Variants in ITGAX observed in about 807,000 individuals in gnomAD.
ITGAX encodes the protein integrin alpha-X.
In ITGAX, 99 loss-of-function variants were observed where a neutral mutation model predicts 140.2. The ratio of observed to expected loss-of-function variants is 0.71; its 90% CI spans 0.60 to 0.83. The LOEUF is 0.83. Among genes scored for constraint, ITGAX ranks in the 40% least tolerant of loss-of-function variants. The probability of loss-of-function intolerance (pLI) is 0.00; values close to 1 mark genes in which losing one functional copy is unlikely to be tolerated. For synonymous variants in ITGAX, 631 were observed against 600.4 expected (o/e 1.05, Z -0.75); for missense variants, 1,444 against 1,482.0 (o/e 0.97, Z 0.42).
In ITGAX at chr16:31,377,037, C is replaced by G; in HGVS notation, c.2663C>G (p.Ala888Gly). The G allele has an allele frequency of 6.2e-7, 1 of 1,614,228 alleles. No homozygotes were observed. Among genetic ancestry groups the G allele is most frequent in the Non-Finnish European group, 8.5e-7 (1 of 1,180,038 alleles). Residue 888 changes from alanine (A) to glycine (G), a missense_variant, in exon 22 of 30, where the codon GCT becomes GGT. By Grantham distance (60) the Ala-to-Gly change is moderately conservative. Transcript: ENST00000268296. ...FLATFDVSPK[A>G]VLGDRLLLTA... is the part of the protein sequence containing the mutation. Reference sequence around the variant, plus strand: ...GCTACCTTTGACGTCTCCCCCAAGGCTGTCCTGGGAGACCGGCTGCTTCTG... The same window carrying G: ...GCTACCTTTGACGTCTCCCCCAAGGGTGTCCTGGGAGACCGGCTGCTTCTG...
At chr16:31,361,953 G>A (rs1244726803) in intron 10 of ITGAX, 44 bp downstream of exon 10, 1 of 1,612,972 alleles carries the variant, frequency 6.2e-7, no homozygotes, top group Non-Finnish European at 8.5e-7. Context: ...TGAGGGGAGG[G>A]GGAGCAGGGA....
rs1409346615 is a variant in ITGAX, at chr16:31,362,930, T to A, written c.1360-5T>A. 2 of 1,611,652 alleles carry A rather than the reference T, an allele frequency of 1.2e-6. No homozygotes were observed. Among genetic ancestry groups the A allele is most frequent in the East Asian group, 4.5e-5 (2 of 44,864 alleles). ...AGGCAGCATGACCCAGGCTCTGCCCTTCAGATCGGCTCCTACTTCGGGGCC... is the reference window on the plus strand; with the variant it reads ...AGGCAGCATGACCCAGGCTCTGCCCATCAGATCGGCTCCTACTTCGGGGCC... On this transcript the variant is annotated splice_polypyrimidine_tract_variant and splice_region_variant and intron_variant, in intron 12 of 29. Coordinates refer to ENST00000268296, the MANE Select transcript of ITGAX (RefSeq NM_000887.5).
rs143688440 is a variant in ITGAX, at chr16:31,371,189, G to T, written c.1816G>T (p.Ala606Ser). The T allele has an allele frequency of 9.9e-6, 16 of 1,610,874 alleles. No homozygotes were observed. The highest frequency in any genetic ancestry group is 1.7e-5 in the Admixed American group (1 of 59,734). The part of the protein sequence containing the change: ...QDGLVDLAVG[A>S]RGQVLLLRTR... ...TGGACTGGTGGACCTGGCTGTGGGG[G>T]CCCGGGGCCAGGTGCTCCTGCTCAG... The change falls in exon 15 of 30, where the codon GCC becomes TCC. Residue 606 changes from alanine to serine, a missense_variant. Physicochemically the swap from Ala to Ser is moderately conservative, Grantham distance 99. Transcript: ENST00000268296.
At chr16:31,356,108 T>A in intron 2 of ITGAX, 110 bp downstream of exon 2, 1 of 735,588 alleles carries the variant, frequency 1.4e-6, no homozygotes, top group Non-Finnish European at 2.3e-6. Flanking sequence ...CTGTCTGGTG[T>A]AGCGACTGCC....
At chr16:31,356,406 A>C in intron 2 of ITGAX, 1 of 507,610 alleles carries the variant, frequency 2.0e-6, no homozygotes, top group African/African-American at 1.9e-5. Flanking sequence ...CTGGGATTCC[A>C]GGTGTGAGCC....
intron 5 of ITGAX, 118 bp from the exon 6 acceptor site, chr16:31,359,582 C>T: frequency 8.0e-7 from 1 of 1,244,220 alleles, no homozygotes. Flanking sequence ...ACTCCCATCG[C>T]CAGACTAGGG....
chr16:31,377,344 G>A (rs1297283128), intron 23 of ITGAX, 79 bp downstream of exon 23: 21 of 1,146,228 alleles, frequency 1.8e-5, no homozygotes, highest in East Asian at 7.2e-5. Context: ...GCCTTGAAAC[G>A]CTGCCACAGA....
In ITGAX at chr16:31,361,288, G is replaced by A. The variant is rs757850176; in HGVS notation, c.1012+75G>A. 1.4e-5 allele frequency: 21 copies of A among 1,469,300 alleles called. 1 individual carries two copies. Among genetic ancestry groups the A allele is most frequent in the Non-Finnish European group, 1.9e-5 (20 of 1,079,892 alleles). The allele number at this position is 1,469,300 out of a possible 1,614,324, so 91.0% of individuals were successfully genotyped here. A position where few individuals can be genotyped will look rare whatever the true frequency, so the allele number is the denominator to read the frequency against. On this transcript the variant is annotated intron_variant, in intron 9 of 29. Coordinates refer to ENST00000268296, the MANE Select transcript of ITGAX (RefSeq NM_000887.5). ...CTTTCCACTTAGAACCCGAGGCTCC[G>A]TGAAACAGGTAGACAGCGTCTCGGT... is the stretch of plus-strand genomic sequence containing the variant.
At position 31,362,736 on chromosome 16, in the gene ITGAX, G is replaced by T; in HGVS notation, c.1342G>T (p.Glu448Ter). The T allele has an allele frequency of 5.0e-6, 8 of 1,613,862 alleles. No homozygotes were observed. Among genetic ancestry groups the T allele is most frequent in the Non-Finnish European group, 5.9e-6 (7 of 1,179,876 alleles). ...QVSRQWRMKA[E>*]VTGTQIGSYF... Reference sequence around the variant, plus strand: ...GTCCAGGCAATGGAGGATGAAGGCCGAAGTCACGGGGACTCAGGTTGGGCG... The same window carrying T: ...GTCCAGGCAATGGAGGATGAAGGCCTAAGTCACGGGGACTCAGGTTGGGCG... Residue 448 changes from glutamate (E) to a stop codon, truncating the protein, a stop_gained, in exon 12 of 30, where the codon GAA (glutamate) becomes TAA (stop). Coordinates refer to ENST00000268296, the MANE Select transcript of ITGAX (RefSeq NM_000887.5). LOFTEE classifies it high-confidence loss of function.
In ITGAX at chr16:31,382,249, CTTTT is replaced by C; in HGVS notation, c.*353_*356del. 3.5e-5 allele frequency: 23 copies of C among 658,620 alleles called. No individual in the cohort carries two copies. The highest frequency in any genetic ancestry group is 1.4e-4 in the South Asian group (3 of 22,190). The allele number at this position is 658,620 out of a possible 1,614,324, so 40.8% of individuals were successfully genotyped here. On this transcript the variant is annotated 3_prime_UTR_variant, in exon 30 of 30. Transcript: ENST00000268296. ...CTTTCTTTTTTTTTTTTTTTCTTTT[CTTTT>C]TTTTTTTTTTGAGACGGAGTCTCGC... is the stretch of plus-strand genomic sequence containing the variant.
Position 31,363,313 on chromosome 16 carries a change from G to A in ITGAX, c.1649G>A (p.Arg550Gln), listed in dbSNP as rs201067451. Residue 550 changes from arginine (R) to glutamine (Q), a missense_variant, in exon 14 of 30, where the codon CGG becomes CAG. By Grantham distance (43) the Arg-to-Gln change is conservative (BLOSUM62 1). Transcript: ENST00000268296. ...GGGGCCCCAGGAGAGGAGGAGAACC[G>A]GGGTGCTGTCTACCTGTTTCACGGA... ...VIGAPGEEEN[R>Q]GAVYLFHGVL... 7 of 1,613,916 alleles carry A rather than the reference G, an allele frequency of 4.3e-6. No homozygotes were observed. The highest frequency in any genetic ancestry group is 1.1e-5 in the South Asian group (1 of 91,088).
chr16:31,356,818 G>A (rs2080765493), intron 3 of ITGAX, 90 bp downstream of exon 3: 1 of 1,011,084 alleles, frequency 9.9e-7, no homozygotes, highest in Non-Finnish European at 1.5e-6. Context: ...GTCACTTTCA[G>A]CTTCCACTGT....
intron 5 of ITGAX, 54 bp downstream of exon 5, chr16:31,357,418 G>T: frequency 8.4e-7 from 1 of 1,188,736 alleles, no homozygotes; most frequent in Non-Finnish European, 1.2e-6. Context: ...CCAATTGGGG[G>T]TGCGGTGGGC....
intron 3 of ITGAX, 43 bp from the exon 4 acceptor site, chr16:31,356,988 T>G: frequency 6.5e-7 from 1 of 1,536,364 alleles, no homozygotes; most frequent in Admixed American, 2.1e-5. Flanking sequence ...CACAGCCTTC[T>G]CTGTACCCCC....
intron 5 of ITGAX, chr16:31,357,690 C>T: frequency 2.3e-6 from 1 of 429,530 alleles, no homozygotes; most frequent in Non-Finnish European, 4.1e-6. Context: ...GCGACAGCCC[C>T]ATGAAGGCCA....
intron 14 of ITGAX, 86 bp from the exon 15 acceptor site, chr16:31,370,998 G>T: frequency 6.4e-7 from 1 of 1,561,142 alleles, no homozygotes; most frequent in Non-Finnish European, 8.8e-7. Context: ...CTTTCCGATG[G>T]TCCTACCTCC....
At chr16:31,379,424 T>C in intron 23 of ITGAX, 144 bp from the exon 24 acceptor site, 1 of 767,634 alleles carries the variant, frequency 1.3e-6, no homozygotes, top group East Asian at 2.7e-5. Flanking sequence ...GCCTCTAAAC[T>C]CTCTTATAAC....
intron 3 of ITGAX, 48 bp downstream of exon 3, chr16:31,356,776 C>T (rs1457389946): frequency 1.4e-6 from 2 of 1,388,730 alleles, no homozygotes; most frequent in Admixed American, 2.0e-5. Flanking sequence ...CCCAGGCTTC[C>T]CTGCTCCAGG....
rs768786176 is a variant in ITGAX at position 31,380,599 on chromosome 16, G to A, written c.3251G>A (p.Gly1084Glu). The A allele has an allele frequency of 2.5e-6, 4 of 1,614,248 alleles. No individual in the cohort carries two copies. Among genetic ancestry groups the A allele is most frequent in the Non-Finnish European group, 3.4e-6 (4 of 1,180,044 alleles). The change falls in exon 28 of 30, where the codon GGA becomes GAA. Residue 1084 changes from glycine (G) to glutamate (E), a missense_variant. By Grantham distance (98) the Gly-to-Glu change is moderately conservative. Transcript: ENST00000268296. Reference protein sequence around the residue: ...FDTSVYSQLPGQEAFMRAQTT... With the variant: ...FDTSVYSQLPEQEAFMRAQTT... ...ACATCCGTGTACTCCCAGCTTCCAG[G>A]ACAGGAGGCATTTATGAGAGCTCAG...
Sources: allele counts gnomAD v4.1 joint callset, GRCh38; gene constraint gnomAD v4.1.1; transcripts MANE v1.5; gene names NCBI Gene and HGNC (gene_info 2026-07-23, HGNC 2026-07-21).